Variants in DAP observed in about 807,000 individuals in gnomAD.
DAP encodes the protein death associated protein.
In DAP, 8 loss-of-function variants were observed where a neutral mutation model predicts 13.8. The observed-to-expected ratio is 0.58, with a 90% CI of 0.34 to 1.05. The LOEUF is 1.05. DAP is among the 50% of genes least tolerant of loss of function. The pLI, the probability that DAP is intolerant of heterozygous loss-of-function variation, is 0.03. For missense variants in DAP, 106 were observed against 133.2 expected, an observed-to-expected ratio of 0.80 and a Z score of 1.01; for synonymous variants, 47 against 47.5, an observed-to-expected ratio of 0.99 and a Z score of 0.04.
At chr5:10,687,006 T>A (rs1442075675) in intron 2 of DAP, among the ~76,000 whole-genome samples, 1 of 152,190 alleles carries the variant, frequency 6.6e-6, no homozygotes, top group Non-Finnish European at 1.5e-5. Context: ...CATTTACCAT[T>A]CCAAACATCC....
At chr5:10,735,289 A>C (rs1480378789) in intron 2 of DAP, among the ~76,000 whole-genome samples, 2 of 152,200 alleles carry the variant, frequency 1.3e-5, no homozygotes, top group African/African-American at 4.8e-5. Flanking sequence ...CCATGTTACA[A>C]ATACCAACAA....
At chr5:10,697,856 T>A (rs1309512125) in intron 2 of DAP, among the ~76,000 whole-genome samples, 1 of 152,130 alleles carries the variant, frequency 6.6e-6, no homozygotes, top group East Asian at 1.9e-4. Context: ...TGTTTTTGTG[T>A]CGAACCCAGC....
chr5:10,757,252 A>C (rs986333674), intron 1 of DAP, among the ~76,000 whole-genome samples: 1 of 151,964 alleles, frequency 6.6e-6, no homozygotes, highest in Non-Finnish European at 1.5e-5. Context: ...GGGAGTTGGC[A>C]ACAGACACTC....
intron 2 of DAP, among the ~76,000 whole-genome samples, chr5:10,735,045 T>A (rs1052428033): frequency 6.6e-6 from 1 of 152,210 alleles, no homozygotes; most frequent in South Asian, 2.1e-4. Flanking sequence ...TGACTCCATC[T>A]GGTTAACGGG....
chr5:10,703,986 G>A (rs1738642225), intron 2 of DAP, among the ~76,000 whole-genome samples: 1 of 152,218 alleles, frequency 6.6e-6, no homozygotes, highest in South Asian at 2.1e-4. Context: ...GCAGCATCCC[G>A]AGGGCTGGGC....
chr5:10,704,564 T>C (rs1392119152), intron 2 of DAP, among the ~76,000 whole-genome samples: 2 of 152,220 alleles, frequency 1.3e-5, no homozygotes, highest in African/African-American at 2.4e-5. Flanking sequence ...GGAGATGCCA[T>C]GGTCAGCTCT....
In DAP at chr5:10,681,064, G is replaced by A. The variant is rs1190354858; in HGVS notation, c.301C>T (p.Arg101Cys). 7 of 1,594,968 alleles carry A rather than the reference G, an allele frequency of 4.4e-6. No individual in the cohort carries two copies. The highest frequency in any genetic ancestry group is 1.3e-5 in the African/African-American group (1 of 74,752). The change falls in exon 4 of 4, where the codon CGC becomes TGC. Residue 101 changes from arginine to cysteine, a missense_variant. Transcript: ENST00000230895. ...SPRTQHIQQP[R>C]K ...GCTGGTGGACTCCAGGCTCACTTGC[G>A]TGGCTGCTGGATGTGCTGGGTTCTT...
intron 3 of DAP, among the ~76,000 whole-genome samples, chr5:10,682,541 G>C (rs1738049198): frequency 6.6e-6 from 1 of 152,072 alleles, no homozygotes; most frequent in African/African-American, 2.4e-5. Flanking sequence ...GCGCCCACCA[G>C]CGTCCCTGCA....
chr5:10,685,361 G>A (rs1341756490), intron 2 of DAP, among the ~76,000 whole-genome samples: 2 of 110,802 alleles, frequency 1.8e-5, no homozygotes, highest in African/African-American at 4.1e-5. Context: ...TAAAAGTCCC[G>A]CCACGTGGTA....
intron 2 of DAP, among the ~76,000 whole-genome samples, chr5:10,742,309 C>CCAAT (rs1350697739): frequency 1.3e-5 from 2 of 152,076 alleles, no homozygotes. Flanking sequence ...CTAAGACGGG[C>CCAAT]CAATCACAAG....
chr5:10,759,121 AG>A (rs59209735), intron 1 of DAP, among the ~76,000 whole-genome samples: 14,511 of 152,242 alleles, frequency 0.095, 877 homozygotes, highest in East Asian at 0.29. Flanking sequence ...TAGAAGGCGG[AG>A]GTTGCAGTGA....
At chr5:10,702,072 A>G (rs2126645862) in intron 2 of DAP, among the ~76,000 whole-genome samples, 1 of 152,342 alleles carries the variant, frequency 6.6e-6, no homozygotes, top group Middle Eastern at 3.4e-3. Context: ...GAACTTCCCA[A>G]CATGGCTTTA....
chr5:10,759,894 A>G (rs572845003), intron 1 of DAP, among the ~76,000 whole-genome samples: 80 of 151,938 alleles, frequency 5.3e-4, no homozygotes, highest in African/African-American at 1.9e-3. Flanking sequence ...AGCTGGGATT[A>G]CAGGCGCCCG....
At position 10,683,437 on chromosome 5, in the gene DAP, C is replaced by A. The variant is rs1738073637; in HGVS notation, c.195+92G>T. On this transcript the variant is annotated intron_variant, in intron 3 of 3. Coordinates refer to ENST00000230895, the MANE Select transcript of DAP (RefSeq NM_004394.3). ...AGATGAGCAGTGGTGCTGGGTTATT[C>A]CAGGTAGAGTTTAACAAAACCAGAA... 6 of 1,207,202 alleles carry A rather than the reference C, an allele frequency of 5.0e-6. No homozygotes were observed. The East Asian group carries it at 1.2e-4, about 23-fold the overall frequency. The allele number at this position is 1,207,202 out of a possible 1,614,324, so 74.8% of individuals were successfully genotyped here.
intron 2 of DAP, among the ~76,000 whole-genome samples, chr5:10,721,032 T>C (rs987135891): frequency 6.6e-6 from 1 of 152,232 alleles, no homozygotes. Context: ...GGTCTTACCA[T>C]GTTCTCCATC....
chr5:10,679,453 AG>A lies in DAP; in HGVS notation c.*1602del, dbSNP rs1479536550. ...GATGCTTCTGGATTTCTGCAGCGGC[AG>A]GGCAGGGGTCTGCACAGGCCTGACC... On this transcript the variant is annotated 3_prime_UTR_variant, in exon 4 of 4. Coordinates refer to ENST00000230895, the MANE Select transcript of DAP (RefSeq NM_004394.3). 6.6e-6 allele frequency: 1 copy of A among 152,388 alleles called. No individual in the cohort carries two copies. The highest frequency in any genetic ancestry group is 1.5e-5 in the Non-Finnish European group (1 of 68,042). The allele number at this position is 152,388 out of a possible 1,614,324, so 9.4% of individuals were successfully genotyped here.
chr5:10,707,520 G>A lies in DAP; in HGVS notation c.153-23949C>T, dbSNP rs1561014914. Among the ~76,000 whole-genome samples, 4 of 152,122 alleles carry A rather than the reference G, an allele frequency of 2.6e-5. No individual in the cohort carries two copies. In the South Asian group the frequency reaches 8.3e-4, roughly 32 times the overall value. On this transcript the variant is annotated intron_variant, in intron 2 of 3. Transcript: ENST00000230895. This position sits in a 1 kb window ranked among gnomAD's most constrained non-coding sequence, Gnocchi z 4.0. ...TGCACAGGCAGTGTGATGCATAGGT[G>A]GTGTGATGCATGGGTGCTGTGATGC...
intron 3 of DAP, among the ~76,000 whole-genome samples, chr5:10,682,565 TTGTA>T (rs1310468744): frequency 1.3e-5 from 2 of 152,112 alleles, no homozygotes; most frequent in African/African-American, 4.8e-5. Flanking sequence ...AGCATGGCAG[TTGTA>T]TGTGAGGAAG....
chr5:10,752,870 C>T (rs370145338), intron 1 of DAP, among the ~76,000 whole-genome samples: 1 of 152,338 alleles, frequency 6.6e-6, no homozygotes, highest in African/African-American at 2.4e-5. Context: ...ACAGGATGTG[C>T]TCAACTGTTA....
Sources: gnomAD v4.1 joint callset for allele counts (sites outside exome capture counted in the v4.1 genomes callset) on GRCh38, gnomAD v4.1.1 for gene constraint, Gnocchi (gnomAD v3.1) non-coding constraint, MANE v1.5 for transcripts, NCBI Gene and HGNC (gene_info 2026-07-23, HGNC 2026-07-21) for gene names.